KBTBD7: variants seen among roughly 807,000 people sequenced by gnomAD.
KBTBD7 encodes kelch repeat and BTB domain containing 7.
A neutral mutation model predicts 50.3 loss-of-function variants in KBTBD7; 25 were observed. That is an observed-to-expected ratio of 0.50 (90% CI 0.36 to 0.69). The LOEUF (loss-of-function observed/expected upper bound fraction) is 0.69. KBTBD7 is among the 30% of genes least tolerant of loss of function. The pLI is 0.00. For synonymous variants in KBTBD7, 305 were observed against 325.3 expected (o/e 0.94, Z 0.67); for missense variants, 653 against 869.5 (o/e 0.75, Z 3.13).
chr13:41,193,231 T>G lies in KBTBD7; in HGVS notation c.1027A>C (p.Lys343Gln), dbSNP rs745961864. Residue 343 changes from lysine (K) to glutamine (Q), a missense_variant, in exon 1 of 1, where the codon AAG (lysine) becomes CAG (glutamine). By Grantham distance (53) the Lys-to-Gln change is moderately conservative. Around this residue, in one of 3 missense-constraint regions of KBTBD7, gnomAD observed 526 missense variants for 717.1 expected, o/e 0.73. Transcript: ENST00000379483. The surrounding 1 kb of genome is among the most constrained non-coding windows in gnomAD (Gnocchi z 5.7). ...TGTCCAAAGAAGATCACCATCTCCT[T>G]GGCACACATACCCAGTCTCTGGGGT... is the stretch of plus-strand genomic sequence containing the variant. The part of the protein sequence containing the change: ...NPPQRLGMCA[K>Q]EMVIFFGHPR... The G allele has an allele frequency of 1.1e-5, 18 of 1,613,642 alleles. 1 individual carries two copies. In the South Asian group the frequency reaches 2.0e-4, roughly 18 times the overall value.
At position 41,193,766 on chromosome 13, in the gene KBTBD7, T is replaced by C; in HGVS notation, c.492A>G (p.Leu164=). 3.7e-6 allele frequency: 6 copies of C among 1,614,194 alleles called. No individual in the cohort carries two copies. The highest frequency in any genetic ancestry group is 5.1e-6 in the Non-Finnish European group (6 of 1,180,026). Reference sequence around the variant, plus strand: ...AGTTGGTCAGGTCAAGACGTCGGGCTAAGAAGGAGGCACAGGCTTCCCGCA... The same window carrying C: ...AGTTGGTCAGGTCAAGACGTCGGGCCAAGAAGGAGGCACAGGCTTCCCGCA... ...EYVREACASF[L]ARRLDLTNCT... Residue 164 remains leucine (L), a synonymous_variant, in exon 1 of 1, where the codon TTA becomes TTG. Transcript: ENST00000379483. The surrounding 1 kb of genome is among the most constrained non-coding windows in gnomAD (Gnocchi z 5.7).
rs1164634523 is a variant in KBTBD7, at chr13:41,194,187, C to T, written c.71G>A (p.Arg24Lys). ...GGCCGAAACCGAGGGCTTGGAAATC[C>T]TCTTGGGCCGCCTCCCACCACGGGG... is the stretch of plus-strand genomic sequence containing the variant. ...ASPRGGRRPK[R>K]ISKPSVSAFF... Residue 24 changes from arginine to lysine, a missense_variant, in exon 1 of 1, where the codon AGG becomes AAG. Arg to Lys is a conservative substitution (Grantham distance 26). This residue lies in a region of KBTBD7 where 119 missense variants were observed against 125.0 expected (regional missense o/e 0.95). Coordinates refer to ENST00000379483, the MANE Select transcript of KBTBD7 (RefSeq NM_032138.7). The T allele has an allele frequency of 4.3e-6, 7 of 1,614,110 alleles. No homozygotes were observed. Among genetic ancestry groups the T allele is most frequent in the Admixed American group, 3.3e-5 (2 of 60,016 alleles).
In KBTBD7 at chr13:41,192,952, A is replaced by T. The variant is rs753123815; in HGVS notation, c.1306T>A (p.Tyr436Asn). The T allele has an allele frequency of 1.2e-6, 2 of 1,614,108 alleles. No homozygotes were observed. Among genetic ancestry groups the T allele is most frequent in the East Asian group, 2.2e-5 (1 of 44,894 alleles). The change falls in exon 1 of 1, where the codon TAC (tyrosine) becomes AAC (asparagine). Residue 436 changes from tyrosine (Y) to asparagine (N), a missense_variant. Tyr to Asn is a moderately radical substitution (Grantham distance 143). This residue lies in a region of KBTBD7 where 526 missense variants were observed against 717.1 expected (regional missense o/e 0.73). Transcript: ENST00000379483. ...EGMDVAYLNG[Y>N]IYILGGRDPI... ...TCTCGTCCCCCCAAAATGTAGATGT[A>T]GCCATTGAGATATGCCACATCCATG... is the stretch of plus-strand genomic sequence containing the variant.
Position 41,192,817 on chromosome 13 carries a change from CTA to C in KBTBD7, c.1439_1440del (p.Ile480SerfsTer12). The part of the protein sequence containing the change: ...VPHSFYSFEL[I>X]VVQNYLYAVN... Reference sequence around the variant, plus strand: ...ACAGCATAAAGATAGTTCTGAACCACTATGAGTTCAAAGGAATAGAAGGAATG... The same window carrying C: ...ACAGCATAAAGATAGTTCTGAACCACTGAGTTCAAAGGAATAGAAGGAATG... On this transcript the variant is annotated frameshift_variant, in exon 1 of 1. Coordinates refer to ENST00000379483, the MANE Select transcript of KBTBD7 (RefSeq NM_032138.7). LOFTEE classifies it high-confidence loss of function. The C allele has an allele frequency of 1.2e-6, 2 of 1,614,204 alleles. No individual in the cohort carries two copies. The highest frequency in any genetic ancestry group is 1.7e-6 in the Non-Finnish European group (2 of 1,180,028).
rs543597415 is a variant in KBTBD7 at position 41,190,526 on chromosome 13, C to A, written c.*1677G>T. 1 of 152,150 alleles carries A rather than the reference C, an allele frequency of 6.6e-6. No individual in the cohort carries two copies. Among genetic ancestry groups the A allele is most frequent in the African/African-American group, 2.4e-5 (1 of 41,506 alleles). 9.4% of individuals were successfully genotyped at this position (152,150 alleles called of 1,614,324 possible). On this transcript the variant is annotated 3_prime_UTR_variant, in exon 1 of 1. Coordinates refer to ENST00000379483, the MANE Select transcript of KBTBD7 (RefSeq NM_032138.7). ...TATAAGAAAAGTTAGCATTCTGTCA[C>A]TATAGAACATAGAAGAGGAATTAGC... is the stretch of plus-strand genomic sequence containing the variant.
rs748762082 is a variant in KBTBD7, at chr13:41,193,644, C to T, written c.614G>A (p.Arg205Gln). ...AGTCTCCTCCCGAATTGAACCCATT[C>T]GGCTGAGCTGCTTGAAGTTGTGAGC... ...YIAHNFKQLS[R>Q]MGSIREETLA... Residue 205 changes from arginine (R) to glutamine (Q), a missense_variant, in exon 1 of 1, where the codon CGA becomes CAA. Around this residue, in one of 3 missense-constraint regions of KBTBD7, gnomAD observed 526 missense variants for 717.1 expected, o/e 0.73. Transcript: ENST00000379483. This position sits in a 1 kb window ranked among gnomAD's most constrained non-coding sequence, Gnocchi z 5.7. 1.9e-5 allele frequency: 30 copies of T among 1,614,048 alleles called. No individual in the cohort carries two copies. Among genetic ancestry groups the T allele is most frequent in the South Asian group, 4.4e-5 (4 of 91,084 alleles).
Position 41,192,392 on chromosome 13 carries a change from G to A in KBTBD7, c.1866C>T (p.Cys622=), listed in dbSNP as rs768349674. ...ICLCARVYPS[C]LEPGQSFITE... ...TAATAAAACTCTGACCAGGTTCAAG[G>A]CAGGAAGGATAAACACGAGCACAAA... The change falls in exon 1 of 1, where the codon TGC becomes TGT. Residue 622 remains cysteine, a synonymous_variant. Coordinates refer to ENST00000379483, the MANE Select transcript of KBTBD7 (RefSeq NM_032138.7). The A allele has an allele frequency of 6.2e-7, 1 of 1,614,142 alleles. No homozygotes were observed. The highest frequency in any genetic ancestry group is 1.1e-5 in the South Asian group (1 of 91,080).
Position 41,192,235 on chromosome 13 carries a change from G to C in KBTBD7, c.2023C>G (p.Arg675Gly), listed in dbSNP as rs1333119959. 6.2e-6 allele frequency: 10 copies of C among 1,613,660 alleles called. No homozygotes were observed. The highest frequency in any genetic ancestry group is 2.2e-5 in the East Asian group (1 of 44,888). Reference protein sequence around the residue: ...DEVWVQVAPQRNAQDQQGSL With the variant: ...DEVWVQVAPQGNAQDQQGSL ...GAACCCTGCTGATCCTGTGCATTTC[G>C]CTGAGGTGCTACTTGCACCCAGACT... is the stretch of plus-strand genomic sequence containing the variant. Residue 675 changes from arginine to glycine, a missense_variant, in exon 1 of 1, where the codon CGA becomes GGA. Transcript: ENST00000379483.
Position 41,190,042 on chromosome 13 carries a change from T to C in KBTBD7, c.*2161A>G, listed in dbSNP as rs2138569828. 6.6e-6 allele frequency: 1 copy of C among 152,338 alleles called. No homozygotes were observed. The allele number at this position is 152,338 out of a possible 1,614,324, so 9.4% of individuals were successfully genotyped here. ...AACTCAAAGGTTGAGAAAGACAAAC[T>C]GGAGCATTTGTCTTTTATTTACCAG... is the stretch of plus-strand genomic sequence containing the variant. On this transcript the variant is annotated 3_prime_UTR_variant, in exon 1 of 1. Coordinates refer to ENST00000379483, the MANE Select transcript of KBTBD7 (RefSeq NM_032138.7).
chr13:41,194,238 A>G lies in KBTBD7; in HGVS notation c.20T>C (p.Val7Ala), dbSNP rs754991686. Residue 7 changes from valine (V) to alanine (A), a missense_variant, in exon 1 of 1, where the codon GTC becomes GCC. Val to Ala is a moderately conservative substitution (Grantham distance 64). This residue lies in a region of KBTBD7 where 119 missense variants were observed against 125.0 expected (regional missense o/e 0.95). Coordinates refer to ENST00000379483, the MANE Select transcript of KBTBD7 (RefSeq NM_032138.7). MQSRED[V>A]PRSRRLASPR... ...ACTGGCGAGGCGGCGAGAGCGCGGG[A>G]CGTCTTCCCGGGACTGCATGGTGGA... The G allele has an allele frequency of 6.1e-5, 99 of 1,613,844 alleles. No homozygotes were observed. The East Asian group carries it at 7.1e-4, about 12-fold the overall frequency.
In KBTBD7 at chr13:41,192,217, G is replaced by A. The variant is rs1566246539; in HGVS notation, c.2041C>T (p.Gln681Ter). 1 of 1,612,610 alleles carries A rather than the reference G, an allele frequency of 6.2e-7. No individual in the cohort carries two copies. Among genetic ancestry groups the A allele is most frequent in the Admixed American group, 1.7e-5 (1 of 59,842 alleles). ...CAAAATACTATTTACAAAGAACCCT[G>A]CTGATCCTGTGCATTTCGCTGAGGT... ...VAPQRNAQDQQGSL is the reference protein window; with the variant it reads ...VAPQRNAQDQ The change falls in exon 1 of 1, where the codon CAG becomes TAG. Residue 681 changes from glutamine (Q) to a stop codon, truncating the protein, a stop_gained. Coordinates refer to ENST00000379483, the MANE Select transcript of KBTBD7 (RefSeq NM_032138.7). LOFTEE classifies it high-confidence loss of function.
chr13:41,194,440 C>T lies in KBTBD7; in HGVS notation c.-183G>A. ...CCTCCCTTTATTGCATAGACAGTGG[C>T]TGACTCACCCTCTCTCACTCCCGCG... On this transcript the variant is annotated 5_prime_UTR_variant, in exon 1 of 1. Coordinates refer to ENST00000379483, the MANE Select transcript of KBTBD7 (RefSeq NM_032138.7). The T allele has an allele frequency of 1.3e-6, 1 of 754,826 alleles. No individual in the cohort carries two copies. Among genetic ancestry groups the T allele is most frequent in the Non-Finnish European group, 2.1e-6 (1 of 468,170 alleles). 46.8% of individuals were successfully genotyped at this position (754,826 alleles called of 1,614,324 possible). A position where few individuals can be genotyped will look rare whatever the true frequency, so the allele number is the denominator to read the frequency against.
rs2031422384 is a variant in KBTBD7 at position 41,192,700 on chromosome 13, C to T, written c.1558G>A (p.Val520Ile). 1.1e-5 allele frequency: 17 copies of T among 1,614,078 alleles called. No homozygotes were observed. The highest frequency in any genetic ancestry group is 1.4e-5 in the Non-Finnish European group (16 of 1,180,032). ...LKRSDFQEAC[V>I]FNDEIYCICD... ...ATACAATAGATTTCATCATTGAAGA[C>T]ACATGCTTCCTGAAAGTCACTACGT... is the stretch of plus-strand genomic sequence containing the variant. Residue 520 changes from valine to isoleucine, a missense_variant, in exon 1 of 1, where the codon GTC (valine) becomes ATC (isoleucine). This residue lies in a region of KBTBD7 where 526 missense variants were observed against 717.1 expected (regional missense o/e 0.73). Transcript: ENST00000379483.
At position 41,194,401 on chromosome 13, in the gene KBTBD7, A is replaced by G. The variant is rs1299991454; in HGVS notation, c.-144T>C. ...GGGCCGCACTTCTGAATTCAGCCCT[A>G]TCCCGCGGTGAGGCCTCCCTTTATT... On this transcript the variant is annotated 5_prime_UTR_variant, in exon 1 of 1. Transcript: ENST00000379483. 1.7e-5 allele frequency: 19 copies of G among 1,133,554 alleles called. No individual in the cohort carries two copies. Among genetic ancestry groups the G allele is most frequent in the Admixed American group, 1.1e-4 (4 of 35,098 alleles). The allele number at this position is 1,133,554 out of a possible 1,614,324, so 70.2% of individuals were successfully genotyped here.
In KBTBD7 at chr13:41,194,174, G is replaced by A; in HGVS notation, c.84C>T (p.Pro28=). The part of the protein sequence containing the change: ...GGRRPKRISK[P]SVSAFFTGPE... ...GACCCGTGAAAAAGGCCGAAACCGA[G>A]GGCTTGGAAATCCTCTTGGGCCGCC... Residue 28 remains proline, a synonymous_variant, in exon 1 of 1, where the codon CCC becomes CCT. Transcript: ENST00000379483. 6.2e-7 allele frequency: 1 copy of A among 1,614,188 alleles called. No homozygotes were observed. Among genetic ancestry groups the A allele is most frequent in the Non-Finnish European group, 8.5e-7 (1 of 1,180,036 alleles).
chr13:41,192,792 A>G lies in KBTBD7; in HGVS notation c.1466T>C (p.Val489Ala). Residue 489 changes from valine (V) to alanine (A), a missense_variant, in exon 1 of 1, where the codon GTC becomes GCC. Physicochemically the swap from Val to Ala is moderately conservative, Grantham distance 64. Around this residue, in one of 3 missense-constraint regions of KBTBD7, gnomAD observed 526 missense variants for 717.1 expected, o/e 0.73. Transcript: ENST00000379483. ...ATAGCAAAGCATGCGCTTACTGTTG[A>G]CAGCATAAAGATAGTTCTGAACCAC... ...LIVVQNYLYA[V>A]NSKRMLCYDP... 1 of 1,614,196 alleles carries G rather than the reference A, an allele frequency of 6.2e-7. No homozygotes were observed. The highest frequency in any genetic ancestry group is 8.5e-7 in the Non-Finnish European group (1 of 1,180,034).
At position 41,194,394 on chromosome 13, in the gene KBTBD7, C is replaced by A; in HGVS notation, c.-137G>T. The A allele has an allele frequency of 8.4e-7, 1 of 1,189,522 alleles. No individual in the cohort carries two copies. Among genetic ancestry groups the A allele is most frequent in the Admixed American group, 2.8e-5 (1 of 35,574 alleles). 73.7% of individuals were successfully genotyped at this position (1,189,522 alleles called of 1,614,324 possible). On this transcript the variant is annotated 5_prime_UTR_variant, in exon 1 of 1. Coordinates refer to ENST00000379483, the MANE Select transcript of KBTBD7 (RefSeq NM_032138.7). ...GCGGCACGGGCCGCACTTCTGAATT[C>A]AGCCCTATCCCGCGGTGAGGCCTCC...
At position 41,190,536 on chromosome 13, in the gene KBTBD7, T is replaced by C. The variant is rs563869101; in HGVS notation, c.*1667A>G. ...GTTAGCATTCTGTCACTATAGAACA[T>C]AGAAGAGGAATTAGCATGTTATTGA... On this transcript the variant is annotated 3_prime_UTR_variant, in exon 1 of 1. Coordinates refer to ENST00000379483, the MANE Select transcript of KBTBD7 (RefSeq NM_032138.7). The C allele has an allele frequency of 2.6e-5, 4 of 152,276 alleles. No homozygotes were observed. Among genetic ancestry groups the C allele is most frequent in the African/African-American group, 9.6e-5 (4 of 41,554 alleles). 9.4% of individuals were successfully genotyped at this position (152,276 alleles called of 1,614,324 possible).
Position 41,192,504 on chromosome 13 carries a change from A to G in KBTBD7, c.1754T>C (p.Val585Ala). ...TPQWKKNRVT[V>A]YEYDTREDQW... Reference sequence around the variant, plus strand: ...ATCTTCCCTAGTATCATACTCATACACTGTCACTCGGTTCTTTTTCCATTG... The same window carrying G: ...ATCTTCCCTAGTATCATACTCATACGCTGTCACTCGGTTCTTTTTCCATTG... Residue 585 changes from valine (V) to alanine (A), a missense_variant, in exon 1 of 1, where the codon GTG (valine) becomes GCG (alanine). This residue lies in a region of KBTBD7 where 526 missense variants were observed against 717.1 expected (regional missense o/e 0.73). Coordinates refer to ENST00000379483, the MANE Select transcript of KBTBD7 (RefSeq NM_032138.7). The G allele has an allele frequency of 2.5e-6, 4 of 1,614,200 alleles. No homozygotes were observed. The highest frequency in any genetic ancestry group is 3.4e-6 in the Non-Finnish European group (4 of 1,180,034).
Sources: gnomAD v4.1 joint callset for allele counts on GRCh38, gnomAD v4.1.1 for gene constraint, gnomAD v4.1.1 regional missense constraint, Gnocchi (gnomAD v3.1) non-coding constraint, MANE v1.5 for transcripts, NCBI Gene and HGNC (gene_info 2026-07-23, HGNC 2026-07-21) for gene names.